DAB1: variants seen among roughly 807,000 people sequenced by gnomAD.
The protein encoded by DAB1 is disabled homolog 1.
DAB1 carries 15 observed loss-of-function variants against 64.6 expected under a neutral mutation model. That is an observed-to-expected ratio of 0.23 (90% CI 0.16 to 0.36). The LOEUF is 0.36. Ranked by LOEUF, DAB1 falls within the 10% of genes least tolerant of loss-of-function variation. The probability of loss-of-function intolerance (pLI) is 1.00; values close to 1 mark genes in which losing one functional copy is unlikely to be tolerated. For synonymous variants in DAB1, 235 were observed against 251.9 expected (o/e 0.93, Z 0.64); for missense variants, 596 against 706.7 (o/e 0.84, Z 1.78).
chr1:57,198,649 T>TCACACACACACA (rs57872654), intron 2 of DAB1, among the ~76,000 whole-genome samples: 6 of 128,334 alleles, frequency 4.7e-5, no homozygotes, highest in East Asian at 2.2e-4. Flanking sequence ...CTTCTCTCTC[T>TCACACACACACA]CACACACACA....
At chr1:57,872,863 A>C (rs1180020547) in intron 1 of DAB1, among the ~76,000 whole-genome samples, 4 of 152,184 alleles carry the variant, frequency 2.6e-5, no homozygotes, top group African/African-American at 9.7e-5. Flanking sequence ...AAGTATGAAA[A>C]GGGAACTTGA....
chr1:57,839,529 T>G (rs1231092523), intron 1 of DAB1, among the ~76,000 whole-genome samples: 1 of 152,270 alleles, frequency 6.6e-6, no homozygotes, highest in Non-Finnish European at 1.5e-5. Context: ...TGCAATATAT[T>G]ATTAGTTTAT....
At chr1:58,116,812 C>T (rs1776197) in intron 5 of DAB1, among the ~76,000 whole-genome samples, 26,363 of 152,168 alleles carry the variant, frequency 0.17, 2,927 homozygotes, top group East Asian at 0.51. Context: ...AGCATTAAAA[C>T]ATAAGCTTGC....
rs530000853 is a variant in DAB1, at chr1:58,272,803, T to C, written n.309+70549A>G. ...TCTTTTGATCTTTGTTGGTTTAAAG[T>C]CTGTTTTATCAGAGACTAGGATTGC... On this transcript the variant is annotated intron_variant and non_coding_transcript_variant, in intron 4 of 20. Coordinates refer to the DAB1 transcript ENST00000485760. Among the ~76,000 whole-genome samples the C allele has an allele frequency of 6.3e-3, 961 of 151,542 alleles. 8 individuals are homozygous for C. The highest frequency in any genetic ancestry group is 0.022 in the African/African-American group (903 of 41,238).
At chr1:57,768,171 T>A (rs540742173) in intron 6 of DAB1, among the ~76,000 whole-genome samples, 59 of 80,390 alleles carry the variant, frequency 7.3e-4, no homozygotes, top group African/African-American at 2.9e-3. Context: ...AGCGAGAATC[T>A]GTCTAAAAAA....
rs142158777 is a variant in DAB1 at position 57,292,442 on chromosome 1, G to C, written c.-136-1276C>G. Among the ~76,000 whole-genome samples, 373 of 152,202 alleles carry C rather than the reference G, an allele frequency of 2.5e-3. 4 individuals carry two copies. Among genetic ancestry groups the C allele is most frequent in the African/African-American group, 8.6e-3 (359 of 41,524 alleles). On this transcript the variant is annotated intron_variant, in intron 1 of 14. Coordinates refer to ENST00000371236, the MANE Select transcript of DAB1 (RefSeq NM_001365792.1). ...AGGCTACAACTAAGAAAAACAGAAA[G>C]TTATCTTTGTAAAACAGGGTCCATG...
intron 5 of DAB1, among the ~76,000 whole-genome samples, chr1:57,990,490 C>G (rs1274338984): frequency 6.6e-6 from 1 of 152,234 alleles, no homozygotes; most frequent in African/African-American, 2.4e-5. Context: ...ATCCTAACAA[C>G]AAGTTGGTGA....
intron 1 of DAB1, among the ~76,000 whole-genome samples, chr1:57,339,987 G>A (rs377539289): frequency 1.2e-4 from 19 of 152,226 alleles, no homozygotes; most frequent in African/African-American, 4.3e-4. Context: ...GGATGGTTTC[G>A]ATTCATTCAA....
intron 7 of DAB1, among the ~76,000 whole-genome samples, chr1:57,595,063 T>C (rs1645490776): frequency 6.6e-6 from 1 of 152,126 alleles, no homozygotes; most frequent in Non-Finnish European, 1.5e-5. Flanking sequence ...ATGTTGAATA[T>C]AGCTGTTGAT....
intron 6 of DAB1, among the ~76,000 whole-genome samples, chr1:57,739,563 C>G (rs1258444501): frequency 6.7e-6 from 1 of 149,236 alleles, no homozygotes; most frequent in Non-Finnish European, 1.5e-5. Flanking sequence ...TCTCCTGCCT[C>G]AGCCTCCCAA....
intron 6 of DAB1, among the ~76,000 whole-genome samples, chr1:57,747,844 G>C (rs1435902146): frequency 1.4e-5 from 2 of 139,850 alleles, no homozygotes; most frequent in East Asian, 4.4e-4. Context: ...GAATACCATT[G>C]TATTCTGAGC....
chr1:57,598,688 A>G (rs1336139400), intron 7 of DAB1, among the ~76,000 whole-genome samples: 1 of 152,162 alleles, frequency 6.6e-6, no homozygotes, highest in Non-Finnish European at 1.5e-5. Context: ...TCAGAAGACA[A>G]CTTACTAGCC....
chr1:57,186,799 G>A (rs1160629587), intron 2 of DAB1, among the ~76,000 whole-genome samples: 2 of 152,234 alleles, frequency 1.3e-5, no homozygotes, highest in Non-Finnish European at 1.5e-5. Context: ...CTTGTCTGGA[G>A]TGTTAGGATG....
intron 2 of DAB1, among the ~76,000 whole-genome samples, chr1:58,510,765 AAATT>A (rs1482363653): frequency 6.6e-6 from 1 of 152,160 alleles, no homozygotes; most frequent in Non-Finnish European, 1.5e-5. Context: ...ACTAATAAAT[AAATT>A]CAGTAAAGTT....
chr1:57,784,395 A>AAAAC (rs984980209), intron 6 of DAB1, among the ~76,000 whole-genome samples: 34 of 152,254 alleles, frequency 2.2e-4, no homozygotes, highest in Admixed American at 1.4e-3. Flanking sequence ...CCAGTCTCAA[A>AAAAC]AAACAAACAA....
At chr1:58,373,957 C>T (rs1429320155) in intron 3 of DAB1, among the ~76,000 whole-genome samples, 18 of 147,252 alleles carry the variant, frequency 1.2e-4, no homozygotes, top group Non-Finnish European at 3.0e-5. Context: ...TCATGTGTTT[C>T]TTGGCTGCAT....
intron 3 of DAB1, among the ~76,000 whole-genome samples, chr1:58,426,347 G>A (rs1265367694): frequency 1.3e-5 from 2 of 152,164 alleles, no homozygotes; most frequent in African/African-American, 4.8e-5. Context: ...AAGAAAGAGA[G>A]TTAACCCATA....
intron 6 of DAB1, among the ~76,000 whole-genome samples, chr1:57,724,020 T>A (rs2101762723): frequency 6.6e-6 from 1 of 152,252 alleles, no homozygotes; most frequent in East Asian, 1.9e-4. Context: ...AAGCTGAAGA[T>A]TAGCTAGGAA....
At chr1:58,119,763 C>A (rs1212673961) in intron 5 of DAB1, among the ~76,000 whole-genome samples, 2 of 152,328 alleles carry the variant, frequency 1.3e-5, no homozygotes, top group Admixed American at 1.3e-4. Flanking sequence ...CTTCCTGGGG[C>A]AGCCACGTTT....
Sources: allele counts gnomAD v4.1 joint callset (sites outside exome capture counted in the v4.1 genomes callset), GRCh38; gene constraint gnomAD v4.1.1; transcripts MANE v1.5; gene names NCBI Gene and HGNC (gene_info 2026-07-23, HGNC 2026-07-21).